DSCAML1: variants seen among roughly 807,000 people sequenced by gnomAD.
DSCAML1 encodes cell adhesion molecule DSCAML1.
DSCAML1 carries 38 observed loss-of-function variants against 200.5 expected under a neutral mutation model. The observed-to-expected ratio is 0.19, with a 90% CI of 0.15 to 0.25. The LOEUF (loss-of-function observed/expected upper bound fraction) is 0.25, where lower values mean the gene tolerates loss of function less well. Ranked by LOEUF, DSCAML1 falls within the 10% of genes least tolerant of loss-of-function variation. The probability of loss-of-function intolerance (pLI) is 1.00; values close to 1 mark genes in which losing one functional copy is unlikely to be tolerated. For missense variants in DSCAML1, 2,223 were observed against 2,858.8 expected (o/e 0.78, Z 5.07); for synonymous variants, 1,215 against 1,165.0 (o/e 1.04, Z -0.87).
chr11:117,751,079 C>G (rs1327775761), intron 3 of DSCAML1, among the ~76,000 whole-genome samples: 1 of 152,140 alleles, frequency 6.6e-6, no homozygotes, highest in Non-Finnish European at 1.5e-5. Context: ...GGGGCTGGGA[C>G]TGCCTATGCA....
chr11:117,654,147 G>A lies in DSCAML1; in HGVS notation c.512-121625C>T, dbSNP rs573238733. On this transcript the variant is annotated intron_variant, in intron 3 of 32. Transcript: ENST00000651296. ...TGCAGATATGAAATATCCAAAATAG[G>A]CAAATCTATAGAGACAGATTGGTGG... Among the ~76,000 whole-genome samples the A allele has an allele frequency of 4.6e-5, 7 of 152,296 alleles. No individual in the cohort carries two copies. The South Asian group carries it at 6.2e-4, about 14-fold the overall frequency.
rs2049451112 is a variant in DSCAML1 at position 117,504,326 on chromosome 11, CTG to C, written c.2183-307_2183-306del. 6.6e-6 allele frequency among the ~76,000 whole-genome samples: 1 copy of C among 152,102 alleles called. No homozygotes were observed. The highest frequency in any genetic ancestry group is 1.5e-5 in the Non-Finnish European group (1 of 68,010). On this transcript the variant is annotated intron_variant, in intron 10 of 32. Transcript: ENST00000651296. This position sits in a 1 kb window ranked among gnomAD's most constrained non-coding sequence, Gnocchi z 5.0. The stretch of plus-strand genomic sequence containing the variant: ...AAATTCCTTGGAGAGGAAGAAAGAG[CTG>C]TGTTTGGCCAGTTGGCTGCAGGTGG...
At chr11:117,651,037 T>C (rs2137619668) in intron 3 of DSCAML1, among the ~76,000 whole-genome samples, 1 of 152,354 alleles carries the variant, frequency 6.6e-6, no homozygotes, top group South Asian at 2.1e-4. Flanking sequence ...AAAGCAACCC[T>C]GGGTGGGACC....
chr11:117,792,867 C>T lies in DSCAML1; in HGVS notation c.46+4167G>A, dbSNP rs118171091. On this transcript the variant is annotated intron_variant, in intron 1 of 32. Coordinates refer to ENST00000651296, the MANE Select transcript of DSCAML1 (RefSeq NM_020693.4). Reference sequence around the variant, plus strand: ...TTGGCCCATTGCTACCCATCCTACCCCAATATCCCCAGTGCCACTGTCTGT... The same window carrying T: ...TTGGCCCATTGCTACCCATCCTACCTCAATATCCCCAGTGCCACTGTCTGT... Among the ~76,000 whole-genome samples the T allele has an allele frequency of 6.3e-3, 964 of 152,346 alleles. 24 individuals carry two copies. In the East Asian group the frequency reaches 0.077, roughly 12 times the overall value.
chr11:117,464,843 G>A, intron 17 of DSCAML1, 99 bp downstream of exon 17: 1 of 1,537,610 alleles, frequency 6.5e-7, no homozygotes, highest in South Asian at 1.3e-5. Context: ...CCAAAATGGG[G>A]CCCAGGGGCA....
chr11:117,690,550 A>C (rs10892162), intron 3 of DSCAML1, among the ~76,000 whole-genome samples: 1 of 152,110 alleles, frequency 6.6e-6, no homozygotes, highest in Non-Finnish European at 1.5e-5. Context: ...AGGGATCACC[A>C]AGCTATCTGC....
chr11:117,709,438 G>A (rs2053805002), intron 3 of DSCAML1, among the ~76,000 whole-genome samples: 1 of 152,034 alleles, frequency 6.6e-6, no homozygotes, highest in East Asian at 1.9e-4. Context: ...ATCGGATTAG[G>A]GCCCCACACT....
At chr11:117,501,494 C>T (rs2137269283) in intron 11 of DSCAML1, among the ~76,000 whole-genome samples, 1 of 152,306 alleles carries the variant, frequency 6.6e-6, no homozygotes, top group East Asian at 1.9e-4. Flanking sequence ...ATGACTGCTG[C>T]CCTGGAGCCT....
intron 3 of DSCAML1, among the ~76,000 whole-genome samples, chr11:117,560,463 T>C (rs145685616): frequency 1.9e-4 from 29 of 152,314 alleles, no homozygotes; most frequent in Admixed American, 7.8e-4. Context: ...TCCATTCAAG[T>C]AGACCAGGTG....
At chr11:117,551,273 T>C (rs963389877) in intron 3 of DSCAML1, among the ~76,000 whole-genome samples, 17 of 152,222 alleles carry the variant, frequency 1.1e-4, no homozygotes, top group African/African-American at 3.6e-4. Context: ...TTCCAAAAGC[T>C]GCATTCTCCA....
At position 117,529,369 on chromosome 11, in the gene DSCAML1, C is replaced by T. The variant is rs117722612; in HGVS notation, c.658+3007G>A. ...CTAGGATTACAGGCCTGAATCACCA[C>T]GCCTGGCCTTTCTTAATAGGAGATA... On this transcript the variant is annotated intron_variant, in intron 4 of 32. Transcript: ENST00000651296. 1.7e-3 allele frequency among the ~76,000 whole-genome samples: 264 copies of T among 152,284 alleles called. 3 individuals are homozygous for T. The highest frequency in any genetic ancestry group is 3.4e-3 in the Middle Eastern group (1 of 294).
At chr11:117,600,839 G>A (rs1220207006) in intron 3 of DSCAML1, among the ~76,000 whole-genome samples, 2 of 152,190 alleles carry the variant, frequency 1.3e-5, no homozygotes, top group Admixed American at 6.5e-5. Flanking sequence ...GCCCTGGCTG[G>A]CCACTGGAGG....
intron 4 of DSCAML1, among the ~76,000 whole-genome samples, chr11:117,526,715 A>C (rs2049984677): frequency 6.6e-6 from 1 of 151,934 alleles, no homozygotes; most frequent in South Asian, 2.1e-4. Context: ...ACGGAGTTTC[A>C]CCATCTTGGC....
At chr11:117,607,543 T>TCTGGTGA (rs2051593097) in intron 3 of DSCAML1, among the ~76,000 whole-genome samples, 1 of 152,184 alleles carries the variant, frequency 6.6e-6, no homozygotes, top group Non-Finnish European at 1.5e-5. Flanking sequence ...AGGGACTAGC[T>TCTGGTGA]ACAGAGGTGC....
chr11:117,651,136 A>G (rs923567261), intron 3 of DSCAML1, among the ~76,000 whole-genome samples: 1 of 152,244 alleles, frequency 6.6e-6, no homozygotes, highest in African/African-American at 2.4e-5. Flanking sequence ...CGAAGCCTCA[A>G]TCCAGGGCGC....
intron 32 of DSCAML1, among the ~76,000 whole-genome samples, 171 bp from the exon 33 acceptor site, chr11:117,428,974 A>C (rs917238133): frequency 1.3e-5 from 2 of 152,078 alleles, no homozygotes; most frequent in South Asian, 2.1e-4. Flanking sequence ...GGCCCTTCTG[A>C]GCCTTCGTTT....
At chr11:117,508,476 C>T (rs1171744818) in intron 8 of DSCAML1, among the ~76,000 whole-genome samples, 1 of 151,754 alleles carries the variant, frequency 6.6e-6, no homozygotes, top group Admixed American at 6.6e-5. Flanking sequence ...CCTAGGGTGA[C>T]CTCAGAAGTT....
intron 3 of DSCAML1, among the ~76,000 whole-genome samples, chr11:117,548,722 T>C (rs958900985): frequency 1.3e-5 from 2 of 152,102 alleles, no homozygotes; most frequent in African/African-American, 4.8e-5. Flanking sequence ...ACATTGGAGA[T>C]GGAGCATTGG....
chr11:117,510,800 G>A (rs770738530), intron 8 of DSCAML1, among the ~76,000 whole-genome samples: 3 of 152,262 alleles, frequency 2.0e-5, no homozygotes, highest in Middle Eastern at 3.4e-3. Context: ...CACTACCATC[G>A]TCATGAGCCC....
Sources: gnomAD v4.1 joint callset for allele counts (sites outside exome capture counted in the v4.1 genomes callset) on GRCh38, gnomAD v4.1.1 for gene constraint, Gnocchi (gnomAD v3.1) non-coding constraint, MANE v1.5 for transcripts, NCBI Gene and HGNC (gene_info 2026-07-23, HGNC 2026-07-21) for gene names.